PPP1R42: variants seen among roughly 807,000 people sequenced by gnomAD.
PPP1R42 encodes the protein protein phosphatase 1 regulatory subunit 42.
A neutral mutation model predicts 31.0 loss-of-function variants in PPP1R42; 34 were observed. That is an observed-to-expected ratio of 1.10 (90% CI 0.83 to 1.46). The LOEUF is 1.46. PPP1R42 is among the 40% of genes most tolerant of loss of function. The pLI is 0.00. For synonymous variants in PPP1R42, 103 were observed against 109.8 expected (o/e 0.94, Z 0.39); for missense variants, 268 against 303.0 (o/e 0.88, Z 0.86).
chr8:66,997,078 A>G (rs1585659984), intron 5 of PPP1R42, among the ~76,000 whole-genome samples: 1 of 152,300 alleles, frequency 6.6e-6, no homozygotes, highest in South Asian at 2.1e-4. Flanking sequence ...GCTTGAACCC[A>G]GGAGGCGGAG....
intron 5 of PPP1R42, among the ~76,000 whole-genome samples, chr8:66,991,644 A>G (rs144411673): frequency 5.3e-5 from 8 of 152,170 alleles, no homozygotes; most frequent in African/African-American, 1.7e-4. Context: ...CATTTTTCTC[A>G]ACAAAGGAAG....
chr8:66,971,213 T>C (rs1465694075), intron 7 of PPP1R42: 2 of 1,065,074 alleles, frequency 1.9e-6, no homozygotes, highest in Non-Finnish European at 2.5e-6. Flanking sequence ...GGTATAACAA[T>C]ATTAGATTAT....
chr8:67,013,108 A>T lies in PPP1R42; in HGVS notation c.297-12T>A. On this transcript the variant is annotated splice_polypyrimidine_tract_variant and intron_variant, in intron 3 of 7. Transcript: ENST00000685739. ...TGCCTCCCAGATACCTGCAAAACAT[A>T]GACATAATTCTAAACAGACATTCTG... The T allele has an allele frequency of 6.3e-7, 1 of 1,582,648 alleles. No homozygotes were observed.
intron 2 of PPP1R42, among the ~76,000 whole-genome samples, chr8:67,016,902 A>C (rs1167090178): frequency 2.0e-5 from 3 of 152,194 alleles, no homozygotes; most frequent in Non-Finnish European, 4.4e-5. Flanking sequence ...CGGTACTCAC[A>C]TACTTACTTC....
chr8:67,015,297 G>A (rs1240989567), intron 2 of PPP1R42, among the ~76,000 whole-genome samples: 3 of 152,178 alleles, frequency 2.0e-5, no homozygotes, highest in Non-Finnish European at 4.4e-5. Context: ...GATTACAGGT[G>A]TGAGCCACCG....
chr8:66,993,635 G>A (rs780567084), intron 5 of PPP1R42, among the ~76,000 whole-genome samples: 8 of 152,154 alleles, frequency 5.3e-5, no homozygotes, highest in Non-Finnish European at 7.3e-5. Flanking sequence ...TAATAGGCTC[G>A]CAGAGACACA....
rs1034430070 is a variant in PPP1R42 at position 66,994,263 on chromosome 8, T to A, written c.553-5746A>T. Among the ~76,000 whole-genome samples the A allele has an allele frequency of 2.0e-5, 3 of 152,190 alleles. No homozygotes were observed. The East Asian group carries it at 5.8e-4, about 29-fold the overall frequency. ...GTAGCCTCTGTAATGAGGCATATCC[T>A]GTGCCTCAGCCTCTAATGCAGCCAC... On this transcript the variant is annotated intron_variant, in intron 5 of 7. Coordinates refer to ENST00000685739, the MANE Select transcript of PPP1R42 (RefSeq NM_001364910.1).
intron 6 of PPP1R42, among the ~76,000 whole-genome samples, chr8:66,986,626 G>A (rs1408349610): frequency 6.6e-6 from 1 of 152,220 alleles, no homozygotes; most frequent in Non-Finnish European, 1.5e-5. Flanking sequence ...CAAGTTGCTT[G>A]CTTTCTGTTT....
chr8:67,021,992 G>C (rs1816234680), intron 1 of PPP1R42, among the ~76,000 whole-genome samples: 1 of 151,516 alleles, frequency 6.6e-6, no homozygotes, highest in South Asian at 2.1e-4. Flanking sequence ...TTGCCTTTAT[G>C]ATTTTGTATA....
intron 7 of PPP1R42, among the ~76,000 whole-genome samples, chr8:66,980,914 C>G (rs1424963711): frequency 6.6e-6 from 1 of 152,158 alleles, no homozygotes; most frequent in East Asian, 1.9e-4. Context: ...GCAATCTCAG[C>G]TCACTGCAAC....
chr8:66,978,139 A>G (rs1161504189), intron 7 of PPP1R42, among the ~76,000 whole-genome samples: 1 of 152,196 alleles, frequency 6.6e-6, no homozygotes, highest in Non-Finnish European at 1.5e-5. Context: ...AAGAGGTTTA[A>G]TGGACTCACA....
At chr8:66,968,077 C>A (rs1814436319) in intron 7 of PPP1R42, among the ~76,000 whole-genome samples, 1 of 151,758 alleles carries the variant, frequency 6.6e-6, no homozygotes, top group Non-Finnish European at 1.5e-5. Flanking sequence ...TGTTTAATAC[C>A]ATATTTTAAA....
At position 66,985,834 on chromosome 8, in the gene PPP1R42, T is replaced by A. The variant is rs953459792; in HGVS notation, c.670+2566A>T. 4 of 1,222,020 alleles carry A rather than the reference T, an allele frequency of 3.3e-6. No individual in the cohort carries two copies. The African/African-American group carries it at 5.9e-5, about 18-fold the overall frequency. 75.7% of individuals were successfully genotyped at this position (1,222,020 alleles called of 1,614,324 possible). A position where few individuals can be genotyped will look rare whatever the true frequency, so the allele number is the denominator to read the frequency against. ...GAGCTTAGTCAGCATGCCAGGACTCTGATGGAGGCCCAGGGATCACCTCTG... is the reference window on the plus strand; with the variant it reads ...GAGCTTAGTCAGCATGCCAGGACTCAGATGGAGGCCCAGGGATCACCTCTG... On this transcript the variant is annotated intron_variant, in intron 6 of 7. Coordinates refer to ENST00000685739, the MANE Select transcript of PPP1R42 (RefSeq NM_001364910.1).
chr8:67,000,571 A>G (rs1460235763), intron 5 of PPP1R42, among the ~76,000 whole-genome samples: 2 of 151,598 alleles, frequency 1.3e-5, no homozygotes, highest in Non-Finnish European at 2.9e-5. Context: ...GATCCTCCCA[A>G]CTCAGCCTCC....
chr8:67,013,984 T>G (rs578216016), intron 3 of PPP1R42, among the ~76,000 whole-genome samples: 1 of 152,326 alleles, frequency 6.6e-6, no homozygotes, highest in African/African-American at 2.4e-5. Context: ...CAAGTTTACA[T>G]CAATTGGATC....
chr8:67,011,237 G>A (rs1815834921), intron 4 of PPP1R42, among the ~76,000 whole-genome samples: 1 of 152,150 alleles, frequency 6.6e-6, no homozygotes. Flanking sequence ...ACTAACATTT[G>A]TACTTACATA....
chr8:66,995,039 T>A (rs1815294319), intron 5 of PPP1R42, among the ~76,000 whole-genome samples: 1 of 152,232 alleles, frequency 6.6e-6, no homozygotes, highest in South Asian at 2.1e-4. Context: ...CAAAGCTGTC[T>A]GTTGCTGACG....
intron 7 of PPP1R42, among the ~76,000 whole-genome samples, chr8:66,971,917 C>T (rs1814548020): frequency 6.6e-6 from 1 of 152,150 alleles, no homozygotes; most frequent in Non-Finnish European, 1.5e-5. Flanking sequence ...TTAGGAAGTA[C>T]AAAAATTATT....
At chr8:66,985,430 C>T in intron 6 of PPP1R42, 4 of 782,954 alleles carry the variant, frequency 5.1e-6, no homozygotes, top group Non-Finnish European at 8.9e-6. Flanking sequence ...TTGCCTGTTG[C>T]ATCTACAATG....
Sources: allele counts gnomAD v4.1 joint callset (sites outside exome capture counted in the v4.1 genomes callset), GRCh38; gene constraint gnomAD v4.1.1; transcripts MANE v1.5; gene names NCBI Gene and HGNC (gene_info 2026-07-23, HGNC 2026-07-21).